FBXL7: variants seen among roughly 807,000 people sequenced by gnomAD.
FBXL7 encodes F-box and leucine rich repeat protein 7.
Under a neutral mutation model 38.3 loss-of-function variants are expected in FBXL7, and 12 were observed. The observed-to-expected ratio is 0.31, with a 90% CI of 0.20 to 0.51. The LOEUF (loss-of-function observed/expected upper bound fraction) is 0.51. Ranked by LOEUF, FBXL7 falls within the 20% of genes least tolerant of loss-of-function variation. The pLI, the probability that FBXL7 is intolerant of heterozygous loss-of-function variation, is 0.98. For synonymous variants in FBXL7, 297 were observed against 300.9 expected (o/e 0.99, Z 0.13); for missense variants, 567 against 676.4 (o/e 0.84, Z 1.79).
chr5:15,881,258 T>G (rs1035313518), intron 2 of FBXL7, among the ~76,000 whole-genome samples: 4 of 152,176 alleles, frequency 2.6e-5, no homozygotes, highest in African/African-American at 9.7e-5. Flanking sequence ...CTCCCACATA[T>G]GAGTGAGAAT....
chr5:15,552,120 C>T (rs1738092550), intron 1 of FBXL7, among the ~76,000 whole-genome samples: 1 of 152,190 alleles, frequency 6.6e-6, no homozygotes, highest in African/African-American at 2.4e-5. Flanking sequence ...CAGTAATCAC[C>T]ATTTTTTCAG....
At chr5:15,831,435 C>T (rs1490142718) in intron 2 of FBXL7, among the ~76,000 whole-genome samples, 1 of 152,140 alleles carries the variant, frequency 6.6e-6, no homozygotes, top group Non-Finnish European at 1.5e-5. Flanking sequence ...CTGGTGGTCT[C>T]CAAAGTGCCA....
At chr5:15,764,158 A>G in intron 2 of FBXL7, among the ~76,000 whole-genome samples, 1 of 152,190 alleles carries the variant, frequency 6.6e-6, no homozygotes. Flanking sequence ...ATTCCCTATC[A>G]CATAAACCAA....
chr5:15,915,198 G>A (rs1213245723), intron 2 of FBXL7, among the ~76,000 whole-genome samples: 3 of 152,206 alleles, frequency 2.0e-5, no homozygotes, highest in African/African-American at 2.4e-5. Context: ...CTGGCATATA[G>A]TAAGCATTCA....
chr5:15,770,048 A>C (rs952953064), intron 2 of FBXL7, among the ~76,000 whole-genome samples: 1 of 152,196 alleles, frequency 6.6e-6, no homozygotes, highest in Admixed American at 6.5e-5. Context: ...TTTTGATTAT[A>C]ATTTAATGAT....
intron 2 of FBXL7, among the ~76,000 whole-genome samples, chr5:15,674,723 T>A (rs963251369): frequency 6.6e-6 from 1 of 152,166 alleles, no homozygotes; most frequent in African/African-American, 2.4e-5. Context: ...TAGCCCAATC[T>A]CTCCTAATCA....
chr5:15,749,737 T>C (rs1736108717), intron 2 of FBXL7, among the ~76,000 whole-genome samples: 1 of 152,206 alleles, frequency 6.6e-6, no homozygotes, highest in Admixed American at 6.5e-5. Context: ...ATCGTTTCCA[T>C]GTAATGCATT....
intron 2 of FBXL7, among the ~76,000 whole-genome samples, chr5:15,881,766 T>C (rs1241678255): frequency 6.6e-6 from 1 of 152,242 alleles, no homozygotes; most frequent in Non-Finnish European, 1.5e-5. Context: ...TTCTTAAAAG[T>C]TGATTATCTT....
intron 1 of FBXL7, among the ~76,000 whole-genome samples, chr5:15,519,469 C>T: frequency 6.7e-6 from 1 of 148,282 alleles, no homozygotes; most frequent in African/African-American, 2.6e-5. Flanking sequence ...AACAAACAAA[C>T]AAAAAAAACT....
At chr5:15,578,517 A>T (rs1469749705) in intron 1 of FBXL7, among the ~76,000 whole-genome samples, 1 of 152,132 alleles carries the variant, frequency 6.6e-6, no homozygotes, top group African/African-American at 2.4e-5. Context: ...GTCTCAACAC[A>T]CTAACCCATA....
rs137999731 is a variant in FBXL7, at chr5:15,812,413, G to A, written c.128-115477G>A. The stretch of plus-strand genomic sequence containing the variant: ...TATAGGGCTCAAAACCTAGATGATG[G>A]GTTGATAGGTTCAGCAAACCACCGT... On this transcript the variant is annotated intron_variant, in intron 2 of 3. Transcript: ENST00000504595. Among the ~76,000 whole-genome samples the A allele has an allele frequency of 5.3e-5, 8 of 152,144 alleles. No individual in the cohort carries two copies. In the East Asian group the frequency reaches 1.6e-3, roughly 29 times the overall value.
chr5:15,591,912 A>G (rs1739488455), intron 1 of FBXL7, among the ~76,000 whole-genome samples: 1 of 152,046 alleles, frequency 6.6e-6, no homozygotes, highest in African/African-American at 2.4e-5. Context: ...GGGTTTCACC[A>G]TGTTGGCCAG....
At chr5:15,865,540 A>T (rs1462134976) in intron 2 of FBXL7, among the ~76,000 whole-genome samples, 2 of 152,146 alleles carry the variant, frequency 1.3e-5, no homozygotes, top group East Asian at 3.9e-4. Context: ...AGACCCACGG[A>T]TGAAGCTAAG....
At chr5:15,759,176 A>G (rs190734010) in intron 2 of FBXL7, among the ~76,000 whole-genome samples, 1 of 152,144 alleles carries the variant, frequency 6.6e-6, no homozygotes, top group African/African-American at 2.4e-5. Flanking sequence ...GGCTTTTCCT[A>G]CTCTTGAAAT....
rs377496671 is a variant in FBXL7, at chr5:15,806,227, C to T, written c.128-121663C>T. Among the ~76,000 whole-genome samples the T allele has an allele frequency of 6.6e-5, 10 of 152,192 alleles. 1 individual carries two copies. The South Asian group carries it at 2.1e-3, about 32-fold the overall frequency. The stretch of plus-strand genomic sequence containing the variant: ...GTTATACAAGCCAGTTGTTTTTATT[C>T]TCTCAAGTAATTTAAAGACTGTCAC... On this transcript the variant is annotated intron_variant, in intron 2 of 3. Coordinates refer to ENST00000504595, the MANE Select transcript of FBXL7 (RefSeq NM_012304.5).
chr5:15,762,364 T>TGGGGGAATGCCTTG (rs1561116450), intron 2 of FBXL7, among the ~76,000 whole-genome samples: 7 of 151,846 alleles, frequency 4.6e-5, no homozygotes, highest in East Asian at 3.9e-4. Context: ...ATTCTGTTGG[T>TGGGGGAATGCCTTG]TAGAAGCACC....
chr5:15,919,794 C>G (rs1019567138), intron 2 of FBXL7, among the ~76,000 whole-genome samples: 1 of 152,168 alleles, frequency 6.6e-6, no homozygotes, highest in African/African-American at 2.4e-5. Flanking sequence ...CAGACTTGCA[C>G]AAACCATTCT....
intron 1 of FBXL7, among the ~76,000 whole-genome samples, chr5:15,598,646 G>A (rs1390269033): frequency 1.3e-5 from 2 of 152,014 alleles, no homozygotes; most frequent in East Asian, 3.9e-4. Context: ...TGAAATTGTT[G>A]ACTCTCCTTT....
intron 2 of FBXL7, among the ~76,000 whole-genome samples, chr5:15,887,931 A>G (rs938469870): frequency 2.6e-5 from 4 of 152,230 alleles, no homozygotes; most frequent in Non-Finnish European, 5.9e-5. Flanking sequence ...CTCTCAGCAT[A>G]GAGAGCTCTT....
Sources: allele counts gnomAD v4.1 joint callset (sites outside exome capture counted in the v4.1 genomes callset), GRCh38; gene constraint gnomAD v4.1.1; transcripts MANE v1.5; gene names NCBI Gene and HGNC (gene_info 2026-07-23, HGNC 2026-07-21).